TPTE2: variants seen among roughly 807,000 people sequenced by gnomAD.
TPTE2 encodes phosphatidylinositol 3,4,5-trisphosphate 3-phosphatase TPTE2.
TPTE2 carries 53 observed loss-of-function variants against 78.6 expected under a neutral mutation model. The ratio of observed to expected loss-of-function variants is 0.67; its 90% CI spans 0.54 to 0.85. TPTE2 has a LOEUF of 0.85. Ranked by LOEUF, TPTE2 falls within the 40% of genes least tolerant of loss-of-function variation. The pLI is 0.00. For missense variants in TPTE2, 461 were observed against 623.0 expected, an observed-to-expected ratio of 0.74 and a Z score of 2.77; for synonymous variants, 175 against 206.2, an observed-to-expected ratio of 0.85 and a Z score of 1.30.
intron 4 of TPTE2, among the ~76,000 whole-genome samples, chr13:19,477,491 G>A (rs1482912856): frequency 6.6e-6 from 1 of 152,128 alleles, no homozygotes; most frequent in Non-Finnish European, 1.5e-5. Context: ...GCCCAGGCTT[G>A]GAGAGTTAAG....
chr13:19,515,194 A>G (rs1010834616), intron 1 of TPTE2, among the ~76,000 whole-genome samples: 6 of 152,208 alleles, frequency 3.9e-5, no homozygotes, highest in Non-Finnish European at 7.3e-5. Context: ...ACAATTTTCT[A>G]ACTTTTCAAA....
the TPTE2 span, among the ~76,000 whole-genome samples, chr13:19,554,098 G>A: frequency 3.9e-5 from 6 of 152,006 alleles, no homozygotes; most frequent in East Asian, 5.8e-4. Context: ...AGGATGGGCC[G>A]GGCATGGTGG....
At chr13:19,494,732 C>T (rs1293347658) in intron 1 of TPTE2, among the ~76,000 whole-genome samples, 1 of 152,132 alleles carries the variant, frequency 6.6e-6, no homozygotes, top group Non-Finnish European at 1.5e-5. Context: ...TTATAATTCA[C>T]CTGTCACTGG....
At chr13:19,439,504 C>T (rs1483394220) in intron 13 of TPTE2, among the ~76,000 whole-genome samples, 1 of 152,088 alleles carries the variant, frequency 6.6e-6, no homozygotes, top group African/African-American at 2.4e-5. Flanking sequence ...ATTAGAAGTG[C>T]TAGCATCTCC....
intron 13 of TPTE2, among the ~76,000 whole-genome samples, chr13:19,440,823 A>G (rs1208784848): frequency 6.6e-6 from 1 of 152,016 alleles, no homozygotes; most frequent in Non-Finnish European, 1.5e-5. Flanking sequence ...ACGGTGGCTC[A>G]TGCCTGTAAT....
At chr13:19,541,037 A>T (rs896268354), upstream of TPTE2, among the ~76,000 whole-genome samples, 4 of 152,178 alleles carry the variant, frequency 2.6e-5, no homozygotes, top group Non-Finnish European at 5.9e-5. Context: ...GGTCCTTTTT[A>T]AAACTTAGTG....
rs927368128 is a variant in TPTE2, at chr13:19,454,637, G to T, written c.742-3412C>A. Among the ~76,000 whole-genome samples the T allele has an allele frequency of 3.9e-5, 6 of 152,234 alleles. No individual in the cohort carries two copies. In the South Asian group the frequency reaches 8.3e-4, roughly 21 times the overall value. ...TTTTGGGATACTCTGATTAAAAATG[G>T]TTAAGGAATCAATGACTTATTAGTA... is the stretch of plus-strand genomic sequence containing the variant. On this transcript the variant is annotated intron_variant, in intron 10 of 19. Coordinates refer to ENST00000400230, the Ensembl canonical transcript of TPTE2.
At chr13:19,453,651 G>A (rs932979664) in intron 10 of TPTE2, among the ~76,000 whole-genome samples, 1 of 150,962 alleles carries the variant, frequency 6.6e-6, no homozygotes, top group African/African-American at 2.5e-5. Flanking sequence ...ATCCAAATTA[G>A]GTGAAAAAGG....
At chr13:19,541,683 T>G, upstream of TPTE2, among the ~76,000 whole-genome samples, 1 of 152,240 alleles carries the variant, frequency 6.6e-6, no homozygotes, top group South Asian at 2.1e-4. Context: ...TTTACCAAAC[T>G]TTTTTTTCTG....
intron 9 of TPTE2, 104 bp downstream of exon 12, chr13:19,465,151 A>C (rs1879181695): frequency 2.8e-6 from 4 of 1,425,994 alleles, no homozygotes; most frequent in Admixed American, 3.5e-5. Context: ...TATTCTCAAG[A>C]ATAAAGAATA....
chr13:19,431,033 A>G (rs1055968456), intron 16 of TPTE2, among the ~76,000 whole-genome samples: 16 of 151,848 alleles, frequency 1.1e-4, no homozygotes, highest in African/African-American at 3.9e-4. Context: ...AGGCTGAGAC[A>G]GGAGAATTGC....
intron 4 of TPTE2, among the ~76,000 whole-genome samples, chr13:19,478,372 A>G: frequency 6.6e-6 from 1 of 152,268 alleles, no homozygotes; most frequent in South Asian, 2.1e-4. Flanking sequence ...ACACTTCTCA[A>G]AAGAAGACAT....
intron 13 of TPTE2, among the ~76,000 whole-genome samples, chr13:19,438,989 C>G (rs1260609912): frequency 6.6e-6 from 1 of 152,126 alleles, no homozygotes; most frequent in Non-Finnish European, 1.5e-5. Context: ...CCTTGGAGCT[C>G]ATTTGAGGAG....
intron 15 of TPTE2, among the ~76,000 whole-genome samples, chr13:19,434,958 C>T (rs994013881): frequency 6.6e-5 from 10 of 152,098 alleles, no homozygotes; most frequent in Non-Finnish European, 1.3e-4. Flanking sequence ...CATAGTAGTG[C>T]CTACTCATAG....
At chr13:19,494,823 G>A (rs113738934) in intron 1 of TPTE2, among the ~76,000 whole-genome samples, 16 of 152,288 alleles carry the variant, frequency 1.1e-4, no homozygotes, top group African/African-American at 2.9e-4. Flanking sequence ...GACACAATGC[G>A]TAATTCTAAT....
At chr13:19,509,571 T>C (rs1163413239) in intron 1 of TPTE2, among the ~76,000 whole-genome samples, 1 of 152,182 alleles carries the variant, frequency 6.6e-6, no homozygotes, top group Non-Finnish European at 1.5e-5. Flanking sequence ...AATATATTTA[T>C]ATAGAAATAG....
At chr13:19,447,941 A>C (rs971060227) in intron 13 of TPTE2, among the ~76,000 whole-genome samples, 6 of 152,288 alleles carry the variant, frequency 3.9e-5, no homozygotes, top group African/African-American at 1.4e-4. Flanking sequence ...GGTTCTCACA[A>C]AGTTTAAGAA....
chr13:19,556,227 A>G, the TPTE2 span, among the ~76,000 whole-genome samples: 1 of 152,316 alleles, frequency 6.6e-6, no homozygotes, highest in East Asian at 1.9e-4. Flanking sequence ...AGTTTTTGCA[A>G]TACAAGAAGG....
chr13:19,549,424 C>T, the TPTE2 span, among the ~76,000 whole-genome samples: 744 of 152,200 alleles, frequency 4.9e-3, 8 homozygotes, highest in African/African-American at 0.017. Context: ...ATGAATCATC[C>T]GGGAAATGCA....
Sources: gnomAD v4.1 joint callset for allele counts (sites outside exome capture counted in the v4.1 genomes callset) on GRCh38, gnomAD v4.1.1 for gene constraint, MANE v1.5 for transcripts, NCBI Gene and HGNC (gene_info 2026-07-23, HGNC 2026-07-21) for gene names.